Variants in ATP9B observed in about 807,000 individuals in gnomAD.
ATP9B encodes ATPase phospholipid transporting 9B, also known as probable phospholipid-transporting ATPase IIB.
A neutral mutation model predicts 146.1 loss-of-function variants in ATP9B; 110 were observed. That is an observed-to-expected ratio of 0.75 (90% confidence interval 0.65 to 0.88). The LOEUF is 0.88. ATP9B is among the 40% of genes least tolerant of loss of function. The pLI is 0.00. For missense variants in ATP9B, 1,499 were observed against 1,496.4 expected (o/e 1.00, Z -0.03); for synonymous variants, 604 against 569.7 (o/e 1.06, Z -0.86).
intron 8 of ATP9B, among the ~76,000 whole-genome samples, chr18:79,190,244 T>C (rs1361493160): frequency 2.0e-5 from 3 of 152,178 alleles, no homozygotes; most frequent in Non-Finnish European, 4.4e-5. Flanking sequence ...GTAAGTGATA[T>C]AATAGACTAT....
intron 8 of ATP9B, among the ~76,000 whole-genome samples, chr18:79,188,335 C>T (rs551591304): frequency 6.6e-6 from 1 of 152,308 alleles, no homozygotes; most frequent in African/African-American, 2.4e-5. Flanking sequence ...TGTTCTACGT[C>T]CCTCAGAATA....
At chr18:79,253,330 A>C in intron 11 of ATP9B, 51 bp from the exon 12 acceptor site, 2 of 1,529,160 alleles carry the variant, frequency 1.3e-6, no homozygotes, top group Non-Finnish European at 1.8e-6. Flanking sequence ...GATTTATAAT[A>C]TTAGGGACAT....
chr18:79,226,144 T>C (rs2095732149), intron 11 of ATP9B, among the ~76,000 whole-genome samples: 1 of 152,242 alleles, frequency 6.6e-6, no homozygotes, highest in African/African-American at 2.4e-5. Flanking sequence ...CCGCCCTCTC[T>C]TCCTGCTCCC....
At chr18:79,303,506 C>T in intron 13 of ATP9B, 98 bp from the exon 14 acceptor site, 1 of 876,198 alleles carries the variant, frequency 1.1e-6, no homozygotes. Context: ...CCAGCTGCTT[C>T]AGCCCATGAA....
At chr18:79,167,742 C>T (rs559722919) in intron 7 of ATP9B, among the ~76,000 whole-genome samples, 2 of 152,326 alleles carry the variant, frequency 1.3e-5, no homozygotes, top group African/African-American at 2.4e-5. Flanking sequence ...CAATGAAGTC[C>T]TCACTTCCGG....
intron 27 of ATP9B, 46 bp from the exon 28 acceptor site, chr18:79,373,852 T>TTAC: frequency 6.2e-7 from 1 of 1,605,180 alleles, no homozygotes; most frequent in South Asian, 1.1e-5. Flanking sequence ...TCTAGCTGGC[T>TTAC]TACACCCTGC....
chr18:79,375,414 G>C lies in ATP9B; in HGVS notation c.3295G>C (p.Gly1099Arg). The C allele has an allele frequency of 6.2e-7, 1 of 1,612,746 alleles. No individual in the cohort carries two copies. The highest frequency in any genetic ancestry group is 1.3e-5 in the African/African-American group (1 of 74,986). ...EYFGIGRVSF[G>R]AFLDVAFITT... is the part of the protein sequence containing the mutation. ...AACAGGTATAGGCAGAGTGTCTTTT[G>C]GAGCTTTCTTAGGTAGGTAAAGTTA... Residue 1099 changes from glycine to arginine, a missense_variant, in exon 29 of 30, where the codon GGA becomes CGA. By Grantham distance (125) the Gly-to-Arg change is moderately radical. Coordinates refer to ENST00000426216, the MANE Select transcript of ATP9B (RefSeq NM_198531.5).
chr18:79,110,067 G>A (rs1259986595), intron 2 of ATP9B, among the ~76,000 whole-genome samples: 5 of 152,164 alleles, frequency 3.3e-5, no homozygotes, highest in Non-Finnish European at 7.3e-5. Context: ...GACATATAGA[G>A]CATTGACTGC....
chr18:79,128,902 G>T (rs1263477883), intron 5 of ATP9B, among the ~76,000 whole-genome samples: 2 of 152,140 alleles, frequency 1.3e-5, no homozygotes, highest in African/African-American at 4.8e-5. Context: ...CCTAGAAACA[G>T]TTGGAAAGCT....
chr18:79,103,090 G>C (rs2075397416), intron 2 of ATP9B, among the ~76,000 whole-genome samples: 1 of 152,122 alleles, frequency 6.6e-6, no homozygotes. Flanking sequence ...TTCCGTTATG[G>C]TCTGTGTGCC....
rs1005624997 is a variant in ATP9B at position 79,308,675 on chromosome 18, G to T, written c.1773+1441G>T. ...CCCCAGTAGGTAGAAGGTCAGGGGT[G>T]GTGGAGTGATCCCCAGCAGGTAGAA... is the stretch of plus-strand genomic sequence containing the variant. On this transcript the variant is annotated intron_variant, in intron 15 of 29. Coordinates refer to ENST00000426216, the MANE Select transcript of ATP9B (RefSeq NM_198531.5). Among the ~76,000 whole-genome samples, 180 of 94,132 alleles carry T rather than the reference G, an allele frequency of 1.9e-3. 1 individual carries two copies. The highest frequency in any genetic ancestry group is 5.9e-3 in the African/African-American group (157 of 26,446). The allele number at this position is 94,132 out of a possible 152,430, so 61.8% of individuals were successfully genotyped here.
At chr18:79,137,731 C>T (rs117427796) in intron 5 of ATP9B, among the ~76,000 whole-genome samples, 4,088 of 152,312 alleles carry the variant, frequency 0.027, 81 homozygotes, top group South Asian at 0.089. Flanking sequence ...TCGTGGCCTC[C>T]GCACTGTTTC....
intron 12 of ATP9B, among the ~76,000 whole-genome samples, chr18:79,257,069 G>A (rs577367259): frequency 1.3e-5 from 2 of 152,308 alleles, no homozygotes; most frequent in Non-Finnish European, 2.9e-5. Flanking sequence ...GGAGGCTGAG[G>A]CAGGTGGATC....
chr18:79,234,675 G>T (rs1044225220), intron 11 of ATP9B, among the ~76,000 whole-genome samples: 3 of 151,046 alleles, frequency 2.0e-5, no homozygotes, highest in Non-Finnish European at 3.0e-5. Context: ...GCTCCTGTGG[G>T]TGTGCTGCTG....
intron 4 of ATP9B, among the ~76,000 whole-genome samples, chr18:79,119,803 T>C (rs1430430763): frequency 6.6e-6 from 1 of 152,242 alleles, no homozygotes; most frequent in Admixed American, 6.5e-5. Context: ...TCTCTGTTTA[T>C]ATGCATCTTA....
In ATP9B at chr18:79,253,443, T is replaced by A; in HGVS notation, c.1170T>A (p.Ala390=). ...AAGCGCTATTTTTGGCTTTAGTTGC[T>A]CTTTCCATTGTTATGGTAACCTTAC... ...LTKALFLALV[A]LSIVMVTLQG... The change falls in exon 12 of 30, where the codon GCT becomes GCA. Residue 390 remains alanine, a synonymous_variant. Coordinates refer to ENST00000426216, the MANE Select transcript of ATP9B (RefSeq NM_198531.5). The A allele has an allele frequency of 6.2e-7, 1 of 1,613,738 alleles. No individual in the cohort carries two copies. The highest frequency in any genetic ancestry group is 8.5e-7 in the Non-Finnish European group (1 of 1,179,922).
chr18:79,301,876 A>G (rs77616248), intron 13 of ATP9B, among the ~76,000 whole-genome samples: 4,624 of 152,306 alleles, frequency 0.03, 110 homozygotes, highest in Non-Finnish European at 0.04. Flanking sequence ...AATCTCTAAA[A>G]TAGTAATTGT....
intron 5 of ATP9B, among the ~76,000 whole-genome samples, chr18:79,142,938 T>G (rs9965326): frequency 0.21 from 31,859 of 152,072 alleles, 3,712 homozygotes; most frequent in East Asian, 0.5. Flanking sequence ...ATAAACTGAA[T>G]GTAAAAGGAA....
chr18:79,251,277 C>T (rs1001998934), intron 11 of ATP9B, among the ~76,000 whole-genome samples: 19 of 152,194 alleles, frequency 1.2e-4, no homozygotes, highest in African/African-American at 4.6e-4. Flanking sequence ...ACACTCGGCA[C>T]ACCAGTCCCA....
Sources: allele counts gnomAD v4.1 joint callset (sites outside exome capture counted in the v4.1 genomes callset), GRCh38; gene constraint gnomAD v4.1.1; transcripts MANE v1.5; gene names NCBI Gene and HGNC (gene_info 2026-07-23, HGNC 2026-07-21).